DENND2C: variants seen among roughly 807,000 people sequenced by gnomAD.
DENND2C encodes DENN domain containing 2C, also known as DENN domain-containing protein 2C.
In DENND2C, 72 loss-of-function variants were observed where a neutral mutation model predicts 112.4. That is an observed-to-expected ratio of 0.64 (90% confidence interval 0.53 to 0.78). The LOEUF is 0.78. Among genes scored for constraint, DENND2C ranks in the 30% least tolerant of loss-of-function variants. The pLI is 0.00. For missense variants in DENND2C, 992 were observed against 1,113.8 expected, an observed-to-expected ratio of 0.89 and a Z score of 1.56; for synonymous variants, 329 against 381.6, an observed-to-expected ratio of 0.86 and a Z score of 1.61.
At chr1:114,611,301 A>G (rs553301994) in intron 8 of DENND2C, among the ~76,000 whole-genome samples, 184 bp from the exon 9 acceptor site, 1 of 152,194 alleles carries the variant, frequency 6.6e-6, no homozygotes, top group Non-Finnish European at 1.5e-5. Flanking sequence ...AAAAAGCTCA[A>G]AGAGGAAACT....
chr1:114,609,065 A>T (rs544634864), intron 9 of DENND2C, among the ~76,000 whole-genome samples, 192 bp from the exon 10 acceptor site: 1 of 152,322 alleles, frequency 6.6e-6, no homozygotes, highest in African/African-American at 2.4e-5. Context: ...GCAGACCCTC[A>T]CAAGTGTGCA....
intron 14 of DENND2C, 78 bp from the exon 15 acceptor site, chr1:114,600,430 T>C: frequency 1.3e-6 from 2 of 1,558,378 alleles, no homozygotes; most frequent in Non-Finnish European, 1.8e-6. Flanking sequence ...ATCCTGTTAT[T>C]CTTATATAAG....
At chr1:114,666,160 A>T (rs1570826715) in intron 1 of DENND2C, among the ~76,000 whole-genome samples, 1 of 152,028 alleles carries the variant, frequency 6.6e-6, no homozygotes, top group Admixed American at 6.6e-5. Context: ...CAAATTCTAC[A>T]CCTTCACTAT....
chr1:114,591,063 C>T lies in DENND2C; in HGVS notation c.2432-3111G>A, dbSNP rs545061046. On this transcript the variant is annotated intron_variant, in intron 18 of 20. Transcript: ENST00000393274. ...CTCACTGCAGCCTCAAATTCCTGGG[C>T]GCAAGTGATCCTTCCACCCAAGCCT... Among the ~76,000 whole-genome samples the T allele has an allele frequency of 4.5e-4, 68 of 151,958 alleles. 1 individual carries two copies. Among genetic ancestry groups the T allele is most frequent in the African/African-American group, 1.3e-3 (55 of 41,464 alleles).
At chr1:114,648,701 G>C (rs1657066642) in intron 2 of DENND2C, among the ~76,000 whole-genome samples, 1 of 152,130 alleles carries the variant, frequency 6.6e-6, no homozygotes, top group Non-Finnish European at 1.5e-5. Context: ...ACTTAGGGAA[G>C]TACAGAGACA....
intron 1 of DENND2C, among the ~76,000 whole-genome samples, chr1:114,657,728 T>C (rs1359810593): frequency 6.6e-6 from 1 of 152,212 alleles, no homozygotes; most frequent in Non-Finnish European, 1.5e-5. Context: ...AGACAATCCA[T>C]TCAAGGAGTT....
At chr1:114,600,766 G>A (rs1182567962) in intron 14 of DENND2C, 54 bp downstream of exon 14, 1 of 1,583,812 alleles carries the variant, frequency 6.3e-7, no homozygotes, top group Non-Finnish European at 8.6e-7. Flanking sequence ...CTGCCTACTA[G>A]TGTAAGTCCT....
intron 11 of DENND2C, among the ~76,000 whole-genome samples, chr1:114,604,405 ACCTG>A (rs1345096046): frequency 6.6e-6 from 1 of 152,234 alleles, no homozygotes; most frequent in Admixed American, 6.5e-5. Context: ...TCCTCTAGAT[ACCTG>A]GAAGAAATCC....
chr1:114,641,157 A>T (rs1232900091), intron 3 of DENND2C, among the ~76,000 whole-genome samples: 1 of 151,674 alleles, frequency 6.6e-6, no homozygotes, highest in Non-Finnish European at 1.5e-5. Flanking sequence ...TTGGCCGGGC[A>T]TGGTAGCTCA....
Position 114,622,014 on chromosome 1 carries a change from A to G in DENND2C, c.1108T>C (p.Ser370Pro). The change falls in exon 7 of 21, where the codon TCA (serine) becomes CCA (proline). Residue 370 changes from serine (S) to proline (P), a missense_variant. Physicochemically the swap from Ser to Pro is moderately conservative, Grantham distance 74 (BLOSUM62 -1). Coordinates refer to ENST00000393274, the MANE Select transcript of DENND2C (RefSeq NM_001256404.2). ...AGCTTTGACCGCAAATAAGCCTGTGAGTTCTTTACTTCCATAGTCTTCCGG... is the reference window on the plus strand; with the variant it reads ...AGCTTTGACCGCAAATAAGCCTGTGGGTTCTTTACTTCCATAGTCTTCCGG... ...LHRKTMEVKN[S>P]QAYLRSKLTK... The G allele has an allele frequency of 1.2e-5, 18 of 1,550,492 alleles. No homozygotes were observed. The highest frequency in any genetic ancestry group is 1.6e-5 in the Non-Finnish European group (18 of 1,146,968).
chr1:114,667,854 A>G (rs1232695951), intron 1 of DENND2C, among the ~76,000 whole-genome samples: 2 of 152,148 alleles, frequency 1.3e-5, no homozygotes, highest in Admixed American at 6.5e-5. Context: ...CAACCTCTCT[A>G]TGCCTCTTAA....
At chr1:114,603,530 T>C (rs1163087029) in intron 11 of DENND2C, among the ~76,000 whole-genome samples, 3 of 151,464 alleles carry the variant, frequency 2.0e-5, no homozygotes, top group East Asian at 1.9e-4. Flanking sequence ...CTCCCTCCCT[T>C]CCTTCCTTCC....
chr1:114,625,419 T>C lies in DENND2C; in HGVS notation c.566A>G (p.Lys189Arg). The C allele has an allele frequency of 6.2e-7, 1 of 1,614,178 alleles. No homozygotes were observed. Among genetic ancestry groups the C allele is most frequent in the Non-Finnish European group, 8.5e-7 (1 of 1,180,014 alleles). ...RVLDSSYGIT[K>R]SLENIYSEPE... The stretch of plus-strand genomic sequence containing the variant: ...TTCAGAGTAAATATTTTCTAAGCTC[T>C]TGGTTATTCCGTATGAACTATCCAG... The change falls in exon 4 of 21, where the codon AAG becomes AGG. Residue 189 changes from lysine (K) to arginine (R), a missense_variant. By Grantham distance (26) the Lys-to-Arg change is conservative. This residue lies in a region of DENND2C where 470 missense variants were observed against 472.7 expected (regional missense o/e 0.99). Coordinates refer to ENST00000393274, the MANE Select transcript of DENND2C (RefSeq NM_001256404.2).
chr1:114,641,802 T>C (rs2101681626), intron 3 of DENND2C, among the ~76,000 whole-genome samples: 1 of 152,192 alleles, frequency 6.6e-6, no homozygotes, highest in African/African-American at 2.4e-5. Context: ...TATGAAACAA[T>C]TGGGAAAAGC....
chr1:114,655,376 T>G (rs1218736999), intron 1 of DENND2C, among the ~76,000 whole-genome samples: 1 of 152,222 alleles, frequency 6.6e-6, no homozygotes, highest in Admixed American at 6.5e-5. Flanking sequence ...AGAAGTCATC[T>G]ACAAAATGAA....
intron 16 of DENND2C, among the ~76,000 whole-genome samples, chr1:114,598,702 G>A (rs1655411155): frequency 1.3e-5 from 2 of 152,134 alleles, no homozygotes; most frequent in African/African-American, 4.8e-5. Flanking sequence ...TTTGTTTTGA[G>A]ACAGCGTCTC....
At chr1:114,588,496 TATG>T (rs1451563081) in intron 18 of DENND2C, 1 of 153,510 alleles carries the variant, frequency 6.5e-6, no homozygotes, top group African/African-American at 2.4e-5. Context: ...TAGAGCTGGC[TATG>T]ATAATACTGT....
intron 3 of DENND2C, among the ~76,000 whole-genome samples, chr1:114,636,472 C>T (rs78347668): frequency 0.026 from 3,913 of 152,162 alleles, 166 homozygotes; most frequent in African/African-American, 0.091. Context: ...TCAAGACCAT[C>T]GTGGGCAAAG....
rs749621342 is a variant in DENND2C at position 114,625,304 on chromosome 1, C to A, written c.681G>T (p.Pro227=). Reference sequence around the variant, plus strand: ...TTTTGTCACAGTTTCTTTCTTTATACGGCGTAACACCAGATTCGGATAAAT... The same window carrying A: ...TTTTGTCACAGTTTCTTTCTTTATAAGGCGTAACACCAGATTCGGATAAAT... The part of the protein sequence containing the change: ...FRYLSESGVT[P]YKERNCDKKY... The change falls in exon 4 of 21, where the codon CCG becomes CCT. Residue 227 remains proline (P), a synonymous_variant. Coordinates refer to ENST00000393274, the MANE Select transcript of DENND2C (RefSeq NM_001256404.2). The A allele has an allele frequency of 1.2e-6, 2 of 1,614,130 alleles. No individual in the cohort carries two copies. Among genetic ancestry groups the A allele is most frequent in the Admixed American group, 1.7e-5 (1 of 60,016 alleles).
Sources: allele counts gnomAD v4.1 joint callset (sites outside exome capture counted in the v4.1 genomes callset), GRCh38; gene constraint gnomAD v4.1.1; regional missense constraint gnomAD v4.1.1; transcripts MANE v1.5; gene names NCBI Gene and HGNC (gene_info 2026-07-23, HGNC 2026-07-21).